Variants in LRRC51 observed in about 807,000 individuals in gnomAD.
The protein encoded by LRRC51 is leucine-rich repeat-containing protein 51.
In LRRC51, 8 loss-of-function variants were observed where a neutral mutation model predicts 17.8. The observed-to-expected ratio is 0.45, with a 90% CI of 0.26 to 0.81. The LOEUF is 0.81. LRRC51 is among the 30% of genes least tolerant of loss of function. LRRC51 has a pLI of 0.17. For missense variants in LRRC51, 233 were observed against 239.3 expected (o/e 0.97, Z 0.17); for synonymous variants, 92 against 96.0 (o/e 0.96, Z 0.24).
At chr11:72,093,459 G>C in intron 3 of LRRC51, 37 bp from the exon 4 acceptor site, 1 of 1,576,524 alleles carries the variant, frequency 6.3e-7, no homozygotes, top group Non-Finnish European at 8.6e-7. Context: ...AGCCAAAAAA[G>C]CAAAGATGAT....
chr11:72,094,847 T>A (rs74366316), intron 4 of LRRC51, 101 bp from the exon 5 acceptor site: 82,221 of 1,612,238 alleles, frequency 0.051, 2,378 homozygotes, highest in Non-Finnish European at 0.06. Flanking sequence ...GGAGGGCAGG[T>A]TGTTCCCCAC....
At chr11:72,094,675 G>C in intron 4 of LRRC51, 2 of 706,682 alleles carry the variant, frequency 2.8e-6, no homozygotes, top group Admixed American at 2.0e-5. Context: ...CAGTGAAGGG[G>C]CAACTAAGGC....
At chr11:72,088,848 T>G (rs1270605548) in intron 2 of LRRC51, 181 bp from the exon 3 acceptor site, 1 of 625,076 alleles carries the variant, frequency 1.6e-6, no homozygotes, top group African/African-American at 1.8e-5. Flanking sequence ...GTGAAGGTGC[T>G]CTGAGAAGTA....
intron 1 of LRRC51, among the ~76,000 whole-genome samples, chr11:72,087,837 C>T (rs1944629289): frequency 6.6e-6 from 1 of 152,162 alleles, no homozygotes; most frequent in Non-Finnish European, 1.5e-5. Flanking sequence ...TTCACCACTT[C>T]ATTTTACTTA....
chr11:72,082,009 T>A (rs1228389013), intron 1 of LRRC51, among the ~76,000 whole-genome samples: 1 of 152,190 alleles, frequency 6.6e-6, no homozygotes, highest in Non-Finnish European at 1.5e-5. Context: ...GTTCTCCGAC[T>A]TCCAGCTAAG....
In LRRC51 at chr11:72,089,047, G is replaced by C; in HGVS notation, c.-37G>C. On this transcript the variant is annotated 5_prime_UTR_variant, in exon 3 of 6. Coordinates refer to ENST00000289488, the MANE Select transcript of LRRC51 (RefSeq NM_145309.6). ...CTCCCAGGCTGAACCCAGACTCCCA[G>C]GGCACCTGCTTGCACCTTTGAATGA... 6.2e-7 allele frequency: 1 copy of C among 1,612,526 alleles called. No homozygotes were observed. Among genetic ancestry groups the C allele is most frequent in the Non-Finnish European group, 8.5e-7 (1 of 1,179,824 alleles).
chr11:72,094,801 T>G (rs780861183), intron 4 of LRRC51, 147 bp from the exon 5 acceptor site: 1 of 1,425,858 alleles, frequency 7.0e-7, no homozygotes, highest in Non-Finnish European at 9.9e-7. Context: ...TAAAAGTAGG[T>G]TACAGTCATA....
chr11:72,091,722 G>T (rs1944872851), intron 3 of LRRC51, among the ~76,000 whole-genome samples: 2 of 152,132 alleles, frequency 1.3e-5, no homozygotes, highest in Admixed American at 6.5e-5. Context: ...ACTTTCTGAG[G>T]ATGTTGTTTA....
In LRRC51 at chr11:72,096,783, T is replaced by C; in HGVS notation, c.*1263T>C. On this transcript the variant is annotated 3_prime_UTR_variant, in exon 6 of 6. Transcript: ENST00000289488. ...CATGACAGGCCAAGAAGATGGCCTATGATCTCTGAAACCAGCCCCCACTTC... is the reference window on the plus strand; with the variant it reads ...CATGACAGGCCAAGAAGATGGCCTACGATCTCTGAAACCAGCCCCCACTTC... 1 of 1,437,340 alleles carries C rather than the reference T, an allele frequency of 7.0e-7. No individual in the cohort carries two copies. Among genetic ancestry groups the C allele is most frequent in the Non-Finnish European group, 9.2e-7 (1 of 1,081,556 alleles). The allele number at this position is 1,437,340 out of a possible 1,614,324, so 89.0% of individuals were successfully genotyped here. A position where few individuals can be genotyped will look rare whatever the true frequency, so the allele number is the denominator to read the frequency against.
At chr11:72,087,476 G>T (rs1427637137) in intron 1 of LRRC51, among the ~76,000 whole-genome samples, 1 of 151,992 alleles carries the variant, frequency 6.6e-6, no homozygotes, top group Non-Finnish European at 1.5e-5. Context: ...CAATTTCATT[G>T]TCTCTGCAAA....
At chr11:72,081,066 G>C (rs1337753502) in intron 1 of LRRC51, among the ~76,000 whole-genome samples, 181 bp downstream of exon 1, 2 of 152,220 alleles carry the variant, frequency 1.3e-5, no homozygotes, top group Admixed American at 6.5e-5. Flanking sequence ...GACTGGGCGA[G>C]GGGGAGCAGA....
At chr11:72,087,888 C>G (rs1944633192) in intron 1 of LRRC51, among the ~76,000 whole-genome samples, 1 of 152,076 alleles carries the variant, frequency 6.6e-6, no homozygotes, top group African/African-American at 2.4e-5. Flanking sequence ...ATATGGCTTG[C>G]ATTTGTGACA....
At chr11:72,081,266 A>T (rs1428514102) in intron 1 of LRRC51, among the ~76,000 whole-genome samples, 1 of 152,086 alleles carries the variant, frequency 6.6e-6, no homozygotes, top group Non-Finnish European at 1.5e-5. Context: ...CCAAAAACAT[A>T]AAAAAATTAG....
rs1340440744 is a variant in LRRC51, at chr11:72,089,073, T to C, written c.-11T>C. 6.2e-7 allele frequency: 1 copy of C among 1,613,614 alleles called. No individual in the cohort carries two copies. Among genetic ancestry groups the C allele is most frequent in the East Asian group, 2.2e-5 (1 of 44,872 alleles). ...GGCACCTGCTTGCACCTTTGAATGA[T>C]GGCCTGAACTATGAACAAACGGGAC... On this transcript the variant is annotated 5_prime_UTR_variant, in exon 3 of 6. The change abolishes an upstream ATG in the 5' untranslated region. Transcript: ENST00000289488.
At chr11:72,083,037 A>T (rs1264319211) in intron 1 of LRRC51, among the ~76,000 whole-genome samples, 1 of 151,954 alleles carries the variant, frequency 6.6e-6, no homozygotes, top group Non-Finnish European at 1.5e-5. Context: ...GGCTAATTTT[A>T]TATTTTTAGT....
At chr11:72,093,860 AATCCTGGGTTTG>A (rs1945004850) in intron 4 of LRRC51, among the ~76,000 whole-genome samples, 159 bp downstream of exon 4, 1 of 152,210 alleles carries the variant, frequency 6.6e-6, no homozygotes, top group Non-Finnish European at 1.5e-5. Flanking sequence ...TGTAGGTTCA[AATCCTGGGTTTG>A]CCTCTTACTG....
intron 3 of LRRC51, among the ~76,000 whole-genome samples, chr11:72,090,245 ACTATCT>A (rs1357693674): frequency 6.6e-6 from 1 of 152,178 alleles, no homozygotes; most frequent in African/African-American, 2.4e-5. Context: ...TGCAATAGTA[ACTATCT>A]CTAAGACAGG....
rs1296982750 is a variant in LRRC51 at position 72,089,124 on chromosome 11, C to T, written c.41C>T (p.Pro14Leu). Residue 14 changes from proline (P) to leucine (L), a missense_variant, in exon 3 of 6, where the codon CCC becomes CTC. Coordinates refer to ENST00000289488, the MANE Select transcript of LRRC51 (RefSeq NM_145309.6). ...TATATGAACACTTCGGTACAGGAGC[C>T]CCCTCTTGACTACTCCTTCAGAAGC... Reference protein sequence around the residue: ...RDYMNTSVQEPPLDYSFRSIH... With the variant: ...RDYMNTSVQELPLDYSFRSIH... 3.7e-5 allele frequency: 60 copies of T among 1,613,984 alleles called. No individual in the cohort carries two copies. Among genetic ancestry groups the T allele is most frequent in the Non-Finnish European group, 5.0e-5 (59 of 1,180,016 alleles).
Position 72,089,072 on chromosome 11 carries a change from A to T in LRRC51, c.-12A>T, listed in dbSNP as rs1565315716. 6.2e-7 allele frequency: 1 copy of T among 1,613,606 alleles called. No homozygotes were observed. On this transcript the variant is annotated 5_prime_UTR_variant, in exon 3 of 6. It removes an upstream start codon present in the reference 5' UTR. Transcript: ENST00000289488. ...GGGCACCTGCTTGCACCTTTGAATGATGGCCTGAACTATGAACAAACGGGA... is the reference window on the plus strand; with the variant it reads ...GGGCACCTGCTTGCACCTTTGAATGTTGGCCTGAACTATGAACAAACGGGA...
Sources: allele counts gnomAD v4.1 joint callset (sites outside exome capture counted in the v4.1 genomes callset), GRCh38; gene constraint gnomAD v4.1.1; transcripts MANE v1.5; gene names NCBI Gene and HGNC (gene_info 2026-07-23, HGNC 2026-07-21).